The following ADGRG1 variants were observed in gnomAD, a reference collection of about 807,000 sequenced individuals.
The protein encoded by ADGRG1 is adhesion G protein-coupled receptor G1.
ADGRG1 carries 53 observed loss-of-function variants against 73.5 expected under a neutral mutation model. The ratio of observed to expected loss-of-function variants is 0.72; its 90% confidence interval spans 0.58 to 0.91. ADGRG1 has a LOEUF of 0.91. Ranked by LOEUF, ADGRG1 falls within the 40% of genes least tolerant of loss-of-function variation. The pLI, the probability that ADGRG1 is intolerant of heterozygous loss-of-function variation, is 0.00. For synonymous variants in ADGRG1, 394 were observed against 374.4 expected (o/e 1.05, Z -0.60); for missense variants, 795 against 871.8 (o/e 0.91, Z 1.11).
At chr16:57,652,947 G>A (rs1597487472) in intron 3 of ADGRG1, 1 of 1,363,494 alleles carries the variant, frequency 7.3e-7, no homozygotes. Flanking sequence ...TGCGGAGGGT[G>A]CTGAGCAAGG....
rs1243982527 is a variant in ADGRG1, at chr16:57,628,903, TGTGA to T, written c.-36+105_-36+108del. On this transcript the variant is annotated intron_variant, in intron 1 of 13. Coordinates refer to ENST00000562631, the MANE Select transcript of ADGRG1 (RefSeq NM_201525.4). ...GTGTGTGAGAGTGTGAGTGTGTGAG[TGTGA>T]GTGTGTGAGAGTGAGTGTGAGTGTG... 6.4e-5 allele frequency: 54 copies of T among 845,190 alleles called. 1 individual carries two copies. The highest frequency in any genetic ancestry group is 4.4e-4 in the South Asian group (8 of 18,132). 52.4% of individuals were successfully genotyped at this position (845,190 alleles called of 1,614,324 possible). A position where few individuals can be genotyped will look rare whatever the true frequency, so the allele number is the denominator to read the frequency against.
At chr16:57,635,375 C>T in intron 1 of ADGRG1, 1 of 985,374 alleles carries the variant, frequency 1.0e-6, no homozygotes, top group Non-Finnish European at 1.2e-6. Context: ...CCTCCAGCTC[C>T]TCTCCTGCCT....
chr16:57,628,075 G>T (rs1341503875), upstream of ADGRG1: 6 of 985,234 alleles, frequency 6.1e-6, no homozygotes, highest in South Asian at 2.3e-4. Context: ...CCCCCGGGGG[G>T]ACGCAGGTCA....
rs1383492189 is a variant in ADGRG1 at position 57,638,784 on chromosome 16, G to A, written c.-36+9982G>A. Among the ~76,000 whole-genome samples the A allele has an allele frequency of 3.3e-5, 5 of 152,030 alleles. No individual in the cohort carries two copies. The East Asian group carries it at 7.7e-4, about 24-fold the overall frequency. On this transcript the variant is annotated intron_variant, in intron 1 of 13. Coordinates refer to ENST00000562631, the MANE Select transcript of ADGRG1 (RefSeq NM_201525.4). ...CTGCACTGGGTTCTAAAAAGATTTG[G>A]TTTTGGGCCAGGCGCGGTGGCTCAC...
At chr16:57,645,429 C>A in intron 1 of ADGRG1, 1 of 650,012 alleles carries the variant, frequency 1.5e-6, no homozygotes, top group Non-Finnish European at 1.9e-6. Context: ...GAAGCCCCTT[C>A]CAGGGCCCCG....
At chr16:57,663,123 T>C (rs1191318521) in intron 13 of ADGRG1, 1 of 962,976 alleles carries the variant, frequency 1.0e-6, no homozygotes, top group Non-Finnish European at 1.2e-6. Flanking sequence ...TGGGTGGACT[T>C]CAGAGCCTGT....
rs182059846 is a variant in ADGRG1, at chr16:57,630,126, A to T, written c.-36+1324A>T. On this transcript the variant is annotated intron_variant, in intron 1 of 13. Transcript: ENST00000562631. ...GGGAACATGGCCGTGGGTGAGGCAA[A>T]TAAGGTATCTCAGAACTCGTGAGTG... 13 of 607,228 alleles carry T rather than the reference A, an allele frequency of 2.1e-5. No homozygotes were observed. The Admixed American group carries it at 8.2e-4, about 38-fold the overall frequency. 37.6% of individuals were successfully genotyped at this position (607,228 alleles called of 1,614,324 possible). A position where few individuals can be genotyped will look rare whatever the true frequency, so the allele number is the denominator to read the frequency against.
rs956656265 is a variant in ADGRG1 at position 57,636,805 on chromosome 16, A to C, written c.-36+8003A>C. The C allele has an allele frequency of 5.0e-6, 3 of 596,342 alleles. No homozygotes were observed. The African/African-American group carries it at 6.0e-5, about 12-fold the overall frequency. 36.9% of individuals were successfully genotyped at this position (596,342 alleles called of 1,614,324 possible). A position where few individuals can be genotyped will look rare whatever the true frequency, so the allele number is the denominator to read the frequency against. ...TGGAGATGCAGGTGGTGAGCAAGAC[A>C]GGTGAGACAGCAAAGCTGAGCAAGG... On this transcript the variant is annotated intron_variant, in intron 1 of 13. Coordinates refer to ENST00000562631, the MANE Select transcript of ADGRG1 (RefSeq NM_201525.4).
At position 57,650,364 on chromosome 16, in the gene ADGRG1, A is replaced by C. The variant is rs778371830; in HGVS notation, c.64+13A>C. ...TTCCTGGTCCAAGGCAGGTCTTCCC[A>C]GGGGTGCCCTGGGCTGTTGGAACTT... On this transcript the variant is annotated intron_variant, in intron 2 of 13. Coordinates refer to ENST00000562631, the MANE Select transcript of ADGRG1 (RefSeq NM_201525.4). The C allele has an allele frequency of 6.2e-7, 1 of 1,609,998 alleles. No individual in the cohort carries two copies. The highest frequency in any genetic ancestry group is 8.5e-7 in the Non-Finnish European group (1 of 1,176,226).
At chr16:57,634,681 C>T (rs1355367122) in intron 1 of ADGRG1, 8 of 182,176 alleles carry the variant, frequency 4.4e-5, no homozygotes, top group Non-Finnish European at 7.3e-5. Context: ...AGTTCCCCAC[C>T]TTTGTAGGTG....
At chr16:57,652,139 AG>A in intron 3 of ADGRG1, 1 of 1,026,920 alleles carries the variant, frequency 9.7e-7, no homozygotes, top group South Asian at 3.7e-5. Flanking sequence ...GGTAGGGGTG[AG>A]GGGCGGAGTA....
upstream of ADGRG1, chr16:57,628,187 C>G (rs1236435540): frequency 2.0e-6 from 2 of 985,218 alleles, no homozygotes; most frequent in East Asian, 2.3e-4. Context: ...TGGCTCCCGT[C>G]GGCTGCCAAG....
chr16:57,661,367 A>G (rs1597666505), intron 12 of ADGRG1: 2 of 982,512 alleles, frequency 2.0e-6, no homozygotes, highest in Non-Finnish European at 2.4e-6. Flanking sequence ...CCTGAACCCA[A>G]ACCGGAAGCC....
At chr16:57,657,313 C>T (rs2045977102) in intron 9 of ADGRG1, 60 bp from the exon 10 acceptor site, 6 of 1,611,746 alleles carry the variant, frequency 3.7e-6, no homozygotes, top group Non-Finnish European at 4.2e-6. Context: ...TCACGCAGGG[C>T]AAGCCTCCAG....
At chr16:57,661,023 T>A in intron 12 of ADGRG1, 147 bp downstream of exon 12, 3 of 710,272 alleles carry the variant, frequency 4.2e-6, no homozygotes, top group African/African-American at 1.7e-5. Flanking sequence ...GAAGCACTGG[T>A]CTAAGAGTCA....
intron 1 of ADGRG1, chr16:57,633,563 C>T: frequency 1.0e-6 from 1 of 954,088 alleles, no homozygotes; most frequent in East Asian, 1.2e-4. Flanking sequence ...GGCTCTGGGG[C>T]TGCCTGATTC....
At chr16:57,626,571 C>T (rs2035863610), upstream of ADGRG1, 2 of 985,084 alleles carry the variant, frequency 2.0e-6, no homozygotes, top group Non-Finnish European at 2.4e-6. Flanking sequence ...GGGCAGCCAA[C>T]TCCGCCCAGC....
chr16:57,637,807 C>A, intron 1 of ADGRG1: 1 of 619,072 alleles, frequency 1.6e-6, no homozygotes, highest in Non-Finnish European at 2.0e-6. Context: ...TTCCCATGGC[C>A]TCTGCCAGAA....
At chr16:57,645,750 C>T (rs1298017431) in intron 1 of ADGRG1, among the ~76,000 whole-genome samples, 1 of 152,200 alleles carries the variant, frequency 6.6e-6, no homozygotes, top group Admixed American at 6.5e-5. Context: ...CATTTCAGCT[C>T]ACTCCCAGAG....
Sources: allele counts gnomAD v4.1 joint callset (sites outside exome capture counted in the v4.1 genomes callset), GRCh38; gene constraint gnomAD v4.1.1; transcripts MANE v1.5; gene names NCBI Gene and HGNC (gene_info 2026-07-23, HGNC 2026-07-21).